ANTXR1: variants seen among roughly 807,000 people sequenced by gnomAD.
ANTXR1 encodes ANTXR cell adhesion molecule 1, also known as anthrax toxin receptor 1.
ANTXR1 carries 19 observed loss-of-function variants against 78.1 expected under a neutral mutation model. That is an observed-to-expected ratio of 0.24 (90% CI 0.17 to 0.36). The LOEUF (loss-of-function observed/expected upper bound fraction) is 0.36. Among genes scored for constraint, ANTXR1 ranks in the 10% least tolerant of loss-of-function variants. The pLI is 1.00. For synonymous variants in ANTXR1, 273 were observed against 260.5 expected, an observed-to-expected ratio of 1.05 and a Z score of -0.46; for missense variants, 518 against 718.6, an observed-to-expected ratio of 0.72 and a Z score of 3.19.
chr2:69,145,229 G>T (rs1368928552), intron 12 of ANTXR1: 2 of 1,262,672 alleles, frequency 1.6e-6, no homozygotes, highest in Admixed American at 2.0e-5. Context: ...AAACTTTAGG[G>T]ACCCTCACTT....
chr2:69,170,376 C>T, intron 14 of ANTXR1, 87 bp downstream of exon 14: 1 of 1,479,788 alleles, frequency 6.8e-7, no homozygotes, highest in African/African-American at 1.4e-5. Flanking sequence ...ACTTAGCCCC[C>T]TGCAGAGCAG....
intron 14 of ANTXR1, chr2:69,172,467 A>C (rs1674016395): frequency 6.5e-7 from 1 of 1,550,296 alleles, no homozygotes; most frequent in African/African-American, 1.4e-5. Flanking sequence ...TGCTCTGAAA[A>C]TCATAGTCTC....
At chr2:69,053,614 A>C (rs572757654) in intron 3 of ANTXR1, among the ~76,000 whole-genome samples, 19 of 152,332 alleles carry the variant, frequency 1.2e-4, no homozygotes, top group African/African-American at 4.1e-4. Flanking sequence ...TAATTTGGAA[A>C]AAGAAGCAAA....
At chr2:69,044,860 G>A in intron 3 of ANTXR1, 47 bp downstream of exon 3, 2 of 1,573,878 alleles carry the variant, frequency 1.3e-6, no homozygotes, top group Non-Finnish European at 1.7e-6. Flanking sequence ...ATCACTTCCT[G>A]AGTAGCCCTG....
intron 17 of ANTXR1, among the ~76,000 whole-genome samples, chr2:69,213,869 G>C (rs114866445): frequency 6.6e-6 from 1 of 152,238 alleles, no homozygotes; most frequent in Non-Finnish European, 1.5e-5. Context: ...TTTACAAGTC[G>C]CAAGTGGATG....
Position 69,091,309 on chromosome 2 carries a change from C to T in ANTXR1, c.703+390C>T, listed in dbSNP as rs952329237. Among the ~76,000 whole-genome samples the T allele has an allele frequency of 2.0e-5, 3 of 151,682 alleles. No individual in the cohort carries two copies. In the East Asian group the frequency reaches 5.8e-4, roughly 29 times the overall value. On this transcript the variant is annotated intron_variant, in intron 9 of 17. Transcript: ENST00000303714. ...ACAAAAAATTAGCCAGGTGTGATGG[C>T]GCTTGCCTATAATCCCAGCTACTCG...
Position 69,013,463 on chromosome 2 carries a change from G to T in ANTXR1, c.-37G>T. The T allele has an allele frequency of 6.3e-7, 1 of 1,580,874 alleles. No homozygotes were observed. The highest frequency in any genetic ancestry group is 1.2e-5 in the South Asian group (1 of 86,078). On this transcript the variant is annotated 5_prime_UTR_variant, in exon 1 of 18. Coordinates refer to ENST00000303714, the MANE Select transcript of ANTXR1 (RefSeq NM_032208.3). The surrounding 1 kb of genome is among the most constrained non-coding windows in gnomAD (Gnocchi z 5.0). ...GGTCGTGGCGAGTTCGCGGAGCGTG[G>T]GAAGGAGCGGACCCTGCTCTCCCCG... is the stretch of plus-strand genomic sequence containing the variant.
At chr2:69,105,390 A>G (rs1021331138) in intron 10 of ANTXR1, among the ~76,000 whole-genome samples, 2 of 152,248 alleles carry the variant, frequency 1.3e-5, no homozygotes, top group African/African-American at 2.4e-5. Flanking sequence ...ATCATATTCT[A>G]TGCTGCAAGC....
intron 10 of ANTXR1, among the ~76,000 whole-genome samples, chr2:69,107,323 T>C (rs1181194933): frequency 6.6e-6 from 1 of 152,156 alleles, no homozygotes. Context: ...CACTGTAACC[T>C]CTGCCTCCCA....
intron 9 of ANTXR1, among the ~76,000 whole-genome samples, chr2:69,094,031 C>T (rs1023144995): frequency 6.6e-6 from 1 of 152,206 alleles, no homozygotes; most frequent in Non-Finnish European, 1.5e-5. Flanking sequence ...GATATCCTTA[C>T]ATCAAAATTT....
At chr2:69,136,887 T>C (rs1298582665) in intron 12 of ANTXR1, among the ~76,000 whole-genome samples, 2 of 152,164 alleles carry the variant, frequency 1.3e-5, no homozygotes, top group African/African-American at 2.4e-5. Context: ...GTGTACTTGC[T>C]TGTCAATCTG....
At chr2:69,079,551 T>C (rs533457290) in intron 8 of ANTXR1, among the ~76,000 whole-genome samples, 1 of 152,038 alleles carries the variant, frequency 6.6e-6, no homozygotes, top group East Asian at 1.9e-4. Flanking sequence ...AGTGGGACAG[T>C]TTGGGTAAAG....
In ANTXR1 at chr2:69,123,032, C is replaced by T; in HGVS notation, c.818C>T (p.Ser273Phe). The change falls in exon 11 of 18, where the codon TCT (serine) becomes TTT (phenylalanine). Residue 273 changes from serine (S) to phenylalanine (F), a missense_variant. Coordinates refer to ENST00000303714, the MANE Select transcript of ANTXR1 (RefSeq NM_032208.3). ...CTTTTTGCAGATGAGAAGCCCTTTT[C>T]TGTGGAAGATACTTATTTACTGTGT... is the stretch of plus-strand genomic sequence containing the variant. ...DSVTLNEKPF[S>F]VEDTYLLCPA... 6.2e-7 allele frequency: 1 copy of T among 1,614,162 alleles called. No individual in the cohort carries two copies.
At position 69,193,442 on chromosome 2, in the gene ANTXR1, G is replaced by GTC. The variant is rs10627389; in HGVS notation, c.1434+44_1434+45dup. Reference sequence around the variant, plus strand: ...TAGGACTCGTTAATTCATTAATGGTGTCTCTCTCTCTCTCTCTCACATACA... The same window carrying GTC: ...TAGGACTCGTTAATTCATTAATGGTGTCTCTCTCTCTCTCTCTCTCACATACA... On this transcript the variant is annotated intron_variant, in intron 17 of 17. Transcript: ENST00000303714. 9.0e-3 allele frequency: 10,967 copies of GTC among 1,213,680 alleles called. 73 individuals are homozygous for GTC. Among genetic ancestry groups the GTC allele is most frequent in the African/African-American group, 0.013 (725 of 56,392 alleles). 75.2% of individuals were successfully genotyped at this position (1,213,680 alleles called of 1,614,324 possible).
In ANTXR1 at chr2:69,245,704, A is replaced by G. The variant is rs972025768; in HGVS notation, c.*219A>G. 12 of 593,500 alleles carry G rather than the reference A, an allele frequency of 2.0e-5. 1 individual carries two copies. The highest frequency in any genetic ancestry group is 1.4e-4 in the South Asian group (7 of 48,542). 36.8% of individuals were successfully genotyped at this position (593,500 alleles called of 1,614,324 possible). A position where few individuals can be genotyped will look rare whatever the true frequency, so the allele number is the denominator to read the frequency against. ...TGATGAGGCAACTACAGTCAGATTT[A>G]TAGCCAGCCATCTATCACCTCTAGA... On this transcript the variant is annotated 3_prime_UTR_variant, in exon 18 of 18. Transcript: ENST00000303714.
At chr2:69,206,475 C>T (rs1029441648) in intron 17 of ANTXR1, among the ~76,000 whole-genome samples, 1 of 152,170 alleles carries the variant, frequency 6.6e-6, no homozygotes, top group African/African-American at 2.4e-5. Context: ...TGTTTCTATG[C>T]AACAAAATTA....
chr2:69,195,591 T>G (rs1055981433), intron 17 of ANTXR1, among the ~76,000 whole-genome samples: 3 of 152,282 alleles, frequency 2.0e-5, no homozygotes, highest in Admixed American at 6.5e-5. Flanking sequence ...TCTGTGACAG[T>G]CAACAAGACC....
intron 3 of ANTXR1, among the ~76,000 whole-genome samples, chr2:69,050,233 AG>A (rs1246058401): frequency 5.9e-5 from 9 of 152,150 alleles, no homozygotes; most frequent in Non-Finnish European, 1.2e-4. Flanking sequence ...TGGGAGGTAA[AG>A]GCTGCAGTGA....
intron 12 of ANTXR1, among the ~76,000 whole-genome samples, chr2:69,142,008 C>T (rs1558593697): frequency 6.6e-6 from 1 of 152,240 alleles, no homozygotes; most frequent in East Asian, 1.9e-4. Context: ...TAGTGTATGT[C>T]TTTAAATTAA....
Sources: allele counts gnomAD v4.1 joint callset (sites outside exome capture counted in the v4.1 genomes callset), GRCh38; gene constraint gnomAD v4.1.1; non-coding constraint Gnocchi (gnomAD v3.1); transcripts MANE v1.5; gene names NCBI Gene and HGNC (gene_info 2026-07-23, HGNC 2026-07-21).